ELMO1: variants seen among roughly 807,000 people sequenced by gnomAD.
ELMO1 encodes the protein engulfment and cell motility protein 1.
A neutral mutation model predicts 98.9 loss-of-function variants in ELMO1; 26 were observed. That is an observed-to-expected ratio of 0.26 (90% CI 0.19 to 0.36). ELMO1 has a LOEUF of 0.36. ELMO1 is among the 10% of genes least tolerant of loss of function. The pLI, the probability that ELMO1 is intolerant of heterozygous loss-of-function variation, is 1.00. For missense variants in ELMO1, 627 were observed against 935.2 expected (o/e 0.67, Z 4.30); for synonymous variants, 346 against 346.0 (o/e 1.00, Z 0.00).
chr7:37,238,943 C>A (rs750881650), intron 7 of ELMO1, among the ~76,000 whole-genome samples: 3 of 152,040 alleles, frequency 2.0e-5, no homozygotes, highest in African/African-American at 7.2e-5. Context: ...TATTAACATG[C>A]CTCTGTGGAT....
intron 18 of ELMO1, among the ~76,000 whole-genome samples, chr7:36,884,771 T>A (rs1166178591): frequency 6.6e-6 from 1 of 152,228 alleles, no homozygotes; most frequent in Non-Finnish European, 1.5e-5. Context: ...TCCTTCACTT[T>A]CCAGTTCTGT....
intron 15 of ELMO1, among the ~76,000 whole-genome samples, chr7:37,014,050 C>T (rs1415555355): frequency 1.3e-5 from 2 of 152,112 alleles, no homozygotes; most frequent in Non-Finnish European, 2.9e-5. Flanking sequence ...TTGAAGGCGG[C>T]AACTGGTCCA....
intron 15 of ELMO1, among the ~76,000 whole-genome samples, chr7:37,040,903 C>G (rs1320273703): frequency 2.0e-5 from 3 of 151,894 alleles, no homozygotes; most frequent in Non-Finnish European, 4.4e-5. Flanking sequence ...AAGGCAAAAC[C>G]CCGTCTCTAC....
At chr7:37,131,286 G>C (rs1786902936) in intron 14 of ELMO1, among the ~76,000 whole-genome samples, 1 of 152,090 alleles carries the variant, frequency 6.6e-6, no homozygotes, top group Non-Finnish European at 1.5e-5. Context: ...AACCAATAAA[G>C]AAAAGTGCAT....
At chr7:37,121,031 C>G (rs1785994027) in intron 14 of ELMO1, among the ~76,000 whole-genome samples, 1 of 152,164 alleles carries the variant, frequency 6.6e-6, no homozygotes, top group African/African-American at 2.4e-5. Context: ...GAGTGGACCT[C>G]CAGCAAACTC....
chr7:37,162,057 G>C (rs990065011), intron 13 of ELMO1, among the ~76,000 whole-genome samples: 2 of 149,530 alleles, frequency 1.3e-5, no homozygotes, highest in Non-Finnish European at 3.0e-5. Flanking sequence ...ATGGAAGAGG[G>C]AGAGAGATAA....
At chr7:37,162,733 AAG>A (rs1283415691) in intron 13 of ELMO1, among the ~76,000 whole-genome samples, 2 of 152,168 alleles carry the variant, frequency 1.3e-5, no homozygotes, top group Non-Finnish European at 2.9e-5. Context: ...GGCTGATCCA[AAG>A]AGAGCTGATG....
chr7:36,887,511 G>A (rs371839202), intron 18 of ELMO1, 49 bp downstream of exon 18: 26 of 1,548,494 alleles, frequency 1.7e-5, no homozygotes, highest in African/African-American at 4.1e-5. Flanking sequence ...TCCAGGGAGC[G>A]GGCCACTGTT....
At chr7:37,166,327 C>T (rs924304810) in intron 13 of ELMO1, among the ~76,000 whole-genome samples, 11 of 151,998 alleles carry the variant, frequency 7.2e-5, no homozygotes, top group Non-Finnish European at 1.6e-4. Flanking sequence ...TTTTTTGTGT[C>T]TCTATTTCCT....
intron 20 of ELMO1, among the ~76,000 whole-genome samples, chr7:36,867,783 T>C (rs1484035141): frequency 6.6e-6 from 1 of 152,336 alleles, no homozygotes; most frequent in East Asian, 1.9e-4. Flanking sequence ...TACAAGTGTG[T>C]TGTTAAATTT....
At chr7:37,350,574 T>A (rs1045351570) in intron 1 of ELMO1, among the ~76,000 whole-genome samples, 5 of 152,340 alleles carry the variant, frequency 3.3e-5, no homozygotes, top group Non-Finnish European at 4.4e-5. Context: ...ATGAAGATAC[T>A]AAATCTTAAC....
At chr7:37,335,626 G>A (rs1800360776) in intron 2 of ELMO1, among the ~76,000 whole-genome samples, 1 of 152,094 alleles carries the variant, frequency 6.6e-6, no homozygotes, top group African/African-American at 2.4e-5. Flanking sequence ...ATGAAAATGG[G>A]ACAATACAAA....
intron 10 of ELMO1, among the ~76,000 whole-genome samples, chr7:37,217,515 G>A (rs1225856338): frequency 4.0e-5 from 6 of 151,686 alleles, no homozygotes; most frequent in Non-Finnish European, 5.9e-5. Flanking sequence ...ACTGAGTAGA[G>A]AAGAAACTAA....
intron 10 of ELMO1, among the ~76,000 whole-genome samples, chr7:37,222,055 GAAGT>G (rs1563086062): frequency 6.6e-6 from 1 of 152,164 alleles, no homozygotes; most frequent in East Asian, 1.9e-4. Context: ...TCCACACACA[GAAGT>G]AAGTAATCTC....
intron 5 of ELMO1, among the ~76,000 whole-genome samples, chr7:37,266,991 C>T (rs960141673): frequency 1.6e-4 from 22 of 139,706 alleles, no homozygotes; most frequent in South Asian, 2.3e-4. Context: ...CCAGCCTGGG[C>T]GACAGAGCAA....
chr7:37,220,348 A>C lies in ELMO1; in HGVS notation c.780+2267T>G, dbSNP rs528020251. Among the ~76,000 whole-genome samples, 10 of 152,344 alleles carry C rather than the reference A, an allele frequency of 6.6e-5. No individual in the cohort carries two copies. The South Asian group carries it at 1.4e-3, about 22-fold the overall frequency. On this transcript the variant is annotated intron_variant, in intron 10 of 21. Transcript: ENST00000310758. Reference sequence around the variant, plus strand: ...CTTGTAGGTATTTTTTAGAGCTTGAATGAATGAGTCATATAATACTTCATA... The same window carrying C: ...CTTGTAGGTATTTTTTAGAGCTTGACTGAATGAGTCATATAATACTTCATA...
chr7:36,949,195 C>T (rs1311933667), intron 16 of ELMO1, among the ~76,000 whole-genome samples: 1 of 152,096 alleles, frequency 6.6e-6, no homozygotes, highest in Admixed American at 6.5e-5. Context: ...CACTTTTTTA[C>T]CCTATGGTAG....
intron 13 of ELMO1, among the ~76,000 whole-genome samples, chr7:37,188,094 G>A (rs17170912): frequency 0.17 from 25,939 of 151,898 alleles, 2,576 homozygotes; most frequent in Middle Eastern, 0.24. Flanking sequence ...CACTTTTACC[G>A]CGGTTCAGAA....
At chr7:36,879,278 T>C (rs541893090) in intron 18 of ELMO1, among the ~76,000 whole-genome samples, 1 of 152,214 alleles carries the variant, frequency 6.6e-6, no homozygotes. Flanking sequence ...ACAGTTGGCG[T>C]TGGCTAAGCT....
Sources: gnomAD v4.1 joint callset for allele counts (sites outside exome capture counted in the v4.1 genomes callset) on GRCh38, gnomAD v4.1.1 for gene constraint, MANE v1.5 for transcripts, NCBI Gene and HGNC (gene_info 2026-07-23, HGNC 2026-07-21) for gene names.